Variants in HCN1 observed in about 807,000 individuals in gnomAD.
HCN1 encodes the protein hyperpolarization activated cyclic nucleotide gated potassium channel 1.
Under a neutral mutation model 78.9 loss-of-function variants are expected in HCN1, and 13 were observed. The ratio of observed to expected loss-of-function variants is 0.16; its 90% CI spans 0.11 to 0.26. The LOEUF is 0.26. HCN1 is among the 10% of genes least tolerant of loss of function. The pLI is 1.00. For synonymous variants in HCN1, 552 were observed against 455.5 expected, an observed-to-expected ratio of 1.21 and a Z score of -2.70; for missense variants, 810 against 1,154.3, an observed-to-expected ratio of 0.70 and a Z score of 4.32.
At chr5:45,384,180 C>T (rs1015604869) in intron 4 of HCN1, among the ~76,000 whole-genome samples, 1 of 152,074 alleles carries the variant, frequency 6.6e-6, no homozygotes, top group African/African-American at 2.4e-5. Context: ...TTTACATCCC[C>T]GTGCAGTATT....
At chr5:45,400,793 A>G (rs1739780385) in intron 3 of HCN1, among the ~76,000 whole-genome samples, 1 of 151,824 alleles carries the variant, frequency 6.6e-6, no homozygotes, top group Admixed American at 6.6e-5. Flanking sequence ...CTCTACCTAC[A>G]TTTCCCCAAA....
At chr5:45,602,938 C>T (rs1744653328) in intron 2 of HCN1, among the ~76,000 whole-genome samples, 1 of 152,002 alleles carries the variant, frequency 6.6e-6, no homozygotes, top group South Asian at 2.1e-4. Flanking sequence ...ATAATATCAA[C>T]AAAAGTAAAC....
At position 45,635,115 on chromosome 5, in the gene HCN1, G is replaced by T. The variant is rs530396102; in HGVS notation, c.849+10070C>A. On this transcript the variant is annotated intron_variant, in intron 2 of 7. Coordinates refer to ENST00000303230, the MANE Select transcript of HCN1 (RefSeq NM_021072.4). The stretch of plus-strand genomic sequence containing the variant: ...AAGAAAAAAATTTCATTCTTTCATA[G>T]ATTCTGTGAAAGAATCAGTGAATTA... 8.5e-5 allele frequency among the ~76,000 whole-genome samples: 13 copies of T among 152,138 alleles called. No homozygotes were observed. The South Asian group carries it at 2.7e-3, about 32-fold the overall frequency.
At position 45,557,448 on chromosome 5, in the gene HCN1, C is replaced by A. The variant is rs980830839; in HGVS notation, c.849+87737G>T. Among the ~76,000 whole-genome samples the A allele has an allele frequency of 1.0e-3, 154 of 152,044 alleles. 2 individuals carry two copies. The highest frequency in any genetic ancestry group is 1.5e-4 in the Non-Finnish European group (10 of 67,996). On this transcript the variant is annotated intron_variant, in intron 2 of 7. Coordinates refer to ENST00000303230, the MANE Select transcript of HCN1 (RefSeq NM_021072.4). ...AGTTTTATTTCATCACATATTTCTT[C>A]CAAATTGCTTGAAATGCTTTATCAT...
chr5:45,473,129 T>C (rs1037641813), intron 2 of HCN1, among the ~76,000 whole-genome samples: 3 of 151,986 alleles, frequency 2.0e-5, no homozygotes, highest in African/African-American at 4.8e-5. Flanking sequence ...CAGTATCTTA[T>C]CAAAATTTTC....
intron 3 of HCN1, among the ~76,000 whole-genome samples, chr5:45,419,340 C>T (rs1208282998): frequency 6.6e-5 from 10 of 152,020 alleles, no homozygotes; most frequent in South Asian, 2.1e-4. Context: ...CTGATACCCT[C>T]GGAGTGTGAA....
intron 2 of HCN1, among the ~76,000 whole-genome samples, chr5:45,513,219 T>C (rs747554825): frequency 6.6e-6 from 1 of 152,058 alleles, no homozygotes. Context: ...GAATCAAATA[T>C]ATTACCTACG....
At chr5:45,485,740 G>T (rs1245727739) in intron 2 of HCN1, among the ~76,000 whole-genome samples, 1 of 152,126 alleles carries the variant, frequency 6.6e-6, no homozygotes, top group Non-Finnish European at 1.5e-5. Context: ...TAGTAGAAAA[G>T]ATCCAAGGGT....
At chr5:45,587,555 A>AG (rs1327929644) in intron 2 of HCN1, among the ~76,000 whole-genome samples, 1 of 99,334 alleles carries the variant, frequency 1.0e-5, no homozygotes, top group Non-Finnish European at 2.1e-5. Flanking sequence ...CTTGTGGGGT[A>AG]GGGGGAGGGG....
intron 2 of HCN1, among the ~76,000 whole-genome samples, chr5:45,505,800 C>T (rs1742285481): frequency 6.6e-6 from 1 of 151,838 alleles, no homozygotes; most frequent in South Asian, 2.1e-4. Context: ...ACACACACAT[C>T]CATGTTGGAG....
chr5:45,677,609 T>C (rs1350063734), intron 1 of HCN1, among the ~76,000 whole-genome samples: 1 of 151,938 alleles, frequency 6.6e-6, no homozygotes, highest in African/African-American at 2.4e-5. Context: ...TAATTTCATT[T>C]TGTTGTTCTG....
chr5:45,691,030 G>A (rs1407677643), intron 1 of HCN1, among the ~76,000 whole-genome samples: 1 of 152,076 alleles, frequency 6.6e-6, no homozygotes, highest in Non-Finnish European at 1.5e-5. Flanking sequence ...GGACATAGGT[G>A]CATTGAGTAT....
rs1023407199 is a variant in HCN1 at position 45,479,194 on chromosome 5, C to T, written c.850-17187G>A. On this transcript the variant is annotated intron_variant, in intron 2 of 7. Transcript: ENST00000303230. Reference sequence around the variant, plus strand: ...GTGAAGAGTCTGGCAGTGAGATGTCCTGGTGTGTGAGTGACTCCTAAAGAA... The same window carrying T: ...GTGAAGAGTCTGGCAGTGAGATGTCTTGGTGTGTGAGTGACTCCTAAAGAA... Among the ~76,000 whole-genome samples, 5 of 151,582 alleles carry T rather than the reference C, an allele frequency of 3.3e-5. No individual in the cohort carries two copies. In the East Asian group the frequency reaches 9.7e-4, roughly 29 times the overall value.
rs187442380 is a variant in HCN1 at position 45,438,680 on chromosome 5, T to C, written c.1011+23166A>G. 2.1e-4 allele frequency among the ~76,000 whole-genome samples: 32 copies of C among 152,240 alleles called. No individual in the cohort carries two copies. In the Middle Eastern group the frequency reaches 0.024, roughly 113 times the overall value. ...CCTGAGTTAAATTGCAGCTCTACTA[T>C]TTACAGTGAGTGATATTAACTACTC... On this transcript the variant is annotated intron_variant, in intron 3 of 7. Coordinates refer to ENST00000303230, the MANE Select transcript of HCN1 (RefSeq NM_021072.4).
At chr5:45,286,696 C>A (rs946361796) in intron 6 of HCN1, among the ~76,000 whole-genome samples, 8 of 152,002 alleles carry the variant, frequency 5.3e-5, no homozygotes, top group Non-Finnish European at 8.8e-5. Context: ...CATATCCAAG[C>A]AAAGGGAACT....
rs540520933 is a variant in HCN1 at position 45,275,294 on chromosome 5, G to A, written c.1619-8041C>T. Among the ~76,000 whole-genome samples the A allele has an allele frequency of 1.5e-3, 220 of 150,622 alleles. 1 individual carries two copies. Among genetic ancestry groups the A allele is most frequent in the African/African-American group, 5.1e-3 (210 of 41,180 alleles). ...AGTGAATCAATCAATAACTGAAAAT[G>A]GCTTACATCAGATTAAAAATATTCT... On this transcript the variant is annotated intron_variant, in intron 6 of 7. Coordinates refer to ENST00000303230, the MANE Select transcript of HCN1 (RefSeq NM_021072.4).
chr5:45,382,261 T>C (rs183713111), intron 4 of HCN1, among the ~76,000 whole-genome samples: 18 of 152,290 alleles, frequency 1.2e-4, no homozygotes, highest in African/African-American at 4.3e-4. Context: ...GCACTTATCA[T>C]CATCTGCAAG....
chr5:45,532,372 C>G (rs1455258047), intron 2 of HCN1, among the ~76,000 whole-genome samples: 1 of 152,144 alleles, frequency 6.6e-6, no homozygotes, highest in African/African-American at 2.4e-5. Flanking sequence ...TTCTAGCAGC[C>G]TTCTATGTGG....
intron 2 of HCN1, among the ~76,000 whole-genome samples, chr5:45,556,143 A>G: frequency 6.6e-6 from 1 of 151,966 alleles, no homozygotes; most frequent in Non-Finnish European, 1.5e-5. Flanking sequence ...AGGACATTGG[A>G]CTGGGAAAAG....
Sources: allele counts gnomAD v4.1 joint callset (sites outside exome capture counted in the v4.1 genomes callset), GRCh38; gene constraint gnomAD v4.1.1; transcripts MANE v1.5; gene names NCBI Gene and HGNC (gene_info 2026-07-23, HGNC 2026-07-21).